RALGPS1: variants seen among roughly 807,000 people sequenced by gnomAD.
RALGPS1 encodes the protein ras-specific guanine nucleotide-releasing factor RalGPS1.
A neutral mutation model predicts 78.8 loss-of-function variants in RALGPS1; 19 were observed. That is an observed-to-expected ratio of 0.24 (90% CI 0.17 to 0.35). RALGPS1 has a LOEUF of 0.35. Ranked by LOEUF, RALGPS1 falls within the 10% of genes least tolerant of loss-of-function variation. The probability of loss-of-function intolerance (pLI) is 1.00; values close to 1 mark genes in which losing one functional copy is unlikely to be tolerated. For missense variants in RALGPS1, 454 were observed against 688.3 expected, an observed-to-expected ratio of 0.66 and a Z score of 3.81; for synonymous variants, 228 against 256.3, an observed-to-expected ratio of 0.89 and a Z score of 1.06.
intron 8 of RALGPS1, among the ~76,000 whole-genome samples, chr9:127,146,440 T>C (rs548551870): frequency 1.3e-5 from 2 of 152,342 alleles, no homozygotes; most frequent in South Asian, 4.1e-4. Flanking sequence ...GGTATATATA[T>C]GTACATTTTC....
intron 5 of RALGPS1, among the ~76,000 whole-genome samples, chr9:127,045,730 T>TACACACAC (rs60442898): frequency 7.1e-6 from 1 of 141,390 alleles, no homozygotes; most frequent in Non-Finnish European, 1.5e-5. Context: ...CATGGGTTAG[T>TACACACAC]ACACACACAC....
At chr9:126,953,285 A>G (rs1367076396) in intron 1 of RALGPS1, among the ~76,000 whole-genome samples, 2 of 152,186 alleles carry the variant, frequency 1.3e-5, no homozygotes, top group African/African-American at 4.8e-5. Flanking sequence ...AAGAAGTTAC[A>G]TCATGAGAAT....
intron 4 of RALGPS1, among the ~76,000 whole-genome samples, chr9:126,997,398 A>G (rs1449154681): frequency 6.6e-6 from 1 of 152,194 alleles, no homozygotes; most frequent in Non-Finnish European, 1.5e-5. Context: ...GAACCAAATC[A>G]TGAGTGAACT....
rs759984726 is a variant in RALGPS1, at chr9:127,212,587, G to A, written c.1354-40G>A. The A allele has an allele frequency of 8.3e-6, 12 of 1,453,720 alleles. No homozygotes were observed. The Admixed American group carries it at 9.2e-5, about 11-fold the overall frequency. The allele number at this position is 1,453,720 out of a possible 1,614,324, so 90.1% of individuals were successfully genotyped here. On this transcript the variant is annotated intron_variant, in intron 15 of 18. Transcript: ENST00000259351. This position sits in a 1 kb window ranked among gnomAD's most constrained non-coding sequence, Gnocchi z 6.0. Reference sequence around the variant, plus strand: ...TCGGCCAGGGATCCTCTACCCCCACGACCCCTGGTGGCATCACTCAGCCTC... The same window carrying A: ...TCGGCCAGGGATCCTCTACCCCCACAACCCCTGGTGGCATCACTCAGCCTC...
chr9:127,155,094 G>T (rs539575289), intron 8 of RALGPS1, among the ~76,000 whole-genome samples: 1 of 152,330 alleles, frequency 6.6e-6, no homozygotes, highest in East Asian at 1.9e-4. Context: ...ACAGTGTGGG[G>T]CTGTCCCTTA....
intron 4 of RALGPS1, among the ~76,000 whole-genome samples, chr9:126,999,073 C>T (rs112335260): frequency 2.7e-5 from 4 of 148,618 alleles, no homozygotes; most frequent in East Asian, 2.0e-4. Flanking sequence ...TGCTAAATGA[C>T]GAGTTAATGG....
chr9:127,197,365 G>T (rs191631417), intron 13 of RALGPS1, among the ~76,000 whole-genome samples: 14 of 152,310 alleles, frequency 9.2e-5, no homozygotes, highest in Admixed American at 9.1e-4. Context: ...CGGTGTGCCT[G>T]TGCCTCTGTG....
chr9:126,990,123 A>G, intron 4 of RALGPS1: 1 of 1,183,658 alleles, frequency 8.4e-7, no homozygotes, highest in East Asian at 2.6e-5. Flanking sequence ...CCTTGGAATC[A>G]GTGTTTGGCC....
chr9:127,085,817 C>T (rs1159728462), intron 8 of RALGPS1, among the ~76,000 whole-genome samples: 3 of 152,118 alleles, frequency 2.0e-5, no homozygotes, highest in Non-Finnish European at 4.4e-5. Flanking sequence ...CCCTATGTCC[C>T]ACACACTCCA....
chr9:127,103,295 C>G (rs1020233142), intron 8 of RALGPS1, among the ~76,000 whole-genome samples: 1 of 152,224 alleles, frequency 6.6e-6, no homozygotes, highest in Non-Finnish European at 1.5e-5. Flanking sequence ...CCATGCCATC[C>G]TGGCCATAGC....
rs1484916878 is a variant in RALGPS1 at position 127,212,852 on chromosome 9, G to T, written c.1447-92G>T. Reference sequence around the variant, plus strand: ...GGATGCAGGTGGGAAGGCGGCAGGGGAGGGAGGAAGCCTTGCCTGGCCCAC... The same window carrying T: ...GGATGCAGGTGGGAAGGCGGCAGGGTAGGGAGGAAGCCTTGCCTGGCCCAC... On this transcript the variant is annotated intron_variant, in intron 16 of 18. Coordinates refer to ENST00000259351, the MANE Select transcript of RALGPS1 (RefSeq NM_014636.3). The surrounding 1 kb of genome is among the most constrained non-coding windows in gnomAD (Gnocchi z 6.0). The T allele has an allele frequency of 1.3e-6, 2 of 1,585,514 alleles. No individual in the cohort carries two copies. Among genetic ancestry groups the T allele is most frequent in the Non-Finnish European group, 1.7e-6 (2 of 1,161,190 alleles).
At chr9:126,925,067 C>T (rs975742519) in intron 1 of RALGPS1, among the ~76,000 whole-genome samples, 4 of 151,472 alleles carry the variant, frequency 2.6e-5, no homozygotes, top group South Asian at 2.1e-4. Flanking sequence ...GTGGAGGTTG[C>T]GGTGAGCCGA....
intron 4 of RALGPS1, chr9:126,990,152 T>A: frequency 1.2e-6 from 1 of 866,226 alleles, no homozygotes. Flanking sequence ...GGGAAGAATG[T>A]GGCCAGCAGG....
intron 11 of RALGPS1, chr9:127,184,234 C>T (rs1300714844): frequency 1.1e-5 from 6 of 544,054 alleles, no homozygotes; most frequent in East Asian, 3.8e-5. Context: ...TAGGCGAGAT[C>T]GCTTGATCCC....
At chr9:126,964,715 G>A (rs1436703144) in intron 2 of RALGPS1, among the ~76,000 whole-genome samples, 1 of 151,294 alleles carries the variant, frequency 6.6e-6, no homozygotes, top group Non-Finnish European at 1.5e-5. Flanking sequence ...TGATGACACA[G>A]GCCTATCGAA....
chr9:127,188,997 CAAAAAAAAAA>C (rs543909572), intron 11 of RALGPS1, among the ~76,000 whole-genome samples: 2 of 56,826 alleles, frequency 3.5e-5, no homozygotes, highest in African/African-American at 7.3e-5. Flanking sequence ...AAGACTGTCT[CAAAAAAAAAA>C]AAAAAAAAAA....
At chr9:127,002,433 C>T (rs377047714) in intron 4 of RALGPS1, among the ~76,000 whole-genome samples, 120 of 117,330 alleles carry the variant, frequency 1.0e-3, no homozygotes, top group East Asian at 2.8e-3. Flanking sequence ...CACAAACATT[C>T]TTTTTTTTTT....
chr9:126,996,217 C>T (rs2042738194), intron 4 of RALGPS1, among the ~76,000 whole-genome samples: 1 of 151,920 alleles, frequency 6.6e-6, no homozygotes, highest in Admixed American at 6.6e-5. Context: ...CACAAAAAAC[C>T]CTTCAAAAAA....
At chr9:127,085,875 A>G (rs896269494) in intron 8 of RALGPS1, among the ~76,000 whole-genome samples, 2 of 152,160 alleles carry the variant, frequency 1.3e-5, no homozygotes, top group Non-Finnish European at 2.9e-5. Flanking sequence ...CAAGATTAAG[A>G]TATTTTCCTC....
Sources: gnomAD v4.1 joint callset for allele counts (sites outside exome capture counted in the v4.1 genomes callset) on GRCh38, gnomAD v4.1.1 for gene constraint, Gnocchi (gnomAD v3.1) non-coding constraint, MANE v1.5 for transcripts, NCBI Gene and HGNC (gene_info 2026-07-23, HGNC 2026-07-21) for gene names.